HPSE2: variants seen among roughly 807,000 people sequenced by gnomAD.
HPSE2 encodes inactive heparanase-2.
In HPSE2, 38 loss-of-function variants were observed where a neutral mutation model predicts 60.5. The observed-to-expected ratio is 0.63, with a 90% confidence interval of 0.48 to 0.82. The LOEUF (loss-of-function observed/expected upper bound fraction) is 0.82. Ranked by LOEUF, HPSE2 falls within the 40% of genes least tolerant of loss-of-function variation. The pLI is 0.00. For missense variants in HPSE2, 713 were observed against 740.4 expected (o/e 0.96, Z 0.43); for synonymous variants, 295 against 293.2 (o/e 1.01, Z -0.06).
chr10:99,109,607 G>A (rs1253217585), intron 3 of HPSE2, among the ~76,000 whole-genome samples: 1 of 152,074 alleles, frequency 6.6e-6, no homozygotes, highest in Non-Finnish European at 1.5e-5. Flanking sequence ...CAAGAGAAGT[G>A]TTCTCAAGAA....
intron 3 of HPSE2, among the ~76,000 whole-genome samples, chr10:99,112,415 GTGTTTTGTTT>G (rs72389662): frequency 0.031 from 4,276 of 135,970 alleles, 93 homozygotes; most frequent in African/African-American, 0.069. Context: ...TTTTTTTGTT[GTGTTTTGTTT>G]TGTTTTGTTT....
At chr10:98,939,527 G>C (rs1451438708) in intron 3 of HPSE2, among the ~76,000 whole-genome samples, 1 of 143,672 alleles carries the variant, frequency 7.0e-6, no homozygotes, top group Non-Finnish European at 1.5e-5. Flanking sequence ...AACAAGAAGA[G>C]CTAACTATCC....
At chr10:99,132,672 C>T (rs935763768) in intron 3 of HPSE2, among the ~76,000 whole-genome samples, 1 of 152,100 alleles carries the variant, frequency 6.6e-6, no homozygotes, top group Non-Finnish European at 1.5e-5. Flanking sequence ...CCAAGGGAAG[C>T]TGTGAGGGAC....
chr10:99,208,002 C>T (rs1564894889), intron 2 of HPSE2, among the ~76,000 whole-genome samples: 2 of 149,000 alleles, frequency 1.3e-5, no homozygotes, highest in East Asian at 3.9e-4. Context: ...TAACAATATA[C>T]TATAATTTAT....
rs1945861895 is a variant in HPSE2 at position 98,614,917 on chromosome 10, A to G, written c.1307T>C (p.Phe436Ser). ...TCCCACACTTACTGGTAATGGGTTA[A>G]AATTCTGGTCCACGAGGTGATTGTA... is the stretch of plus-strand genomic sequence containing the variant. The part of the protein sequence containing the change: ...HGYNHLVDQN[F>S]NPLPDYWLSL... The change falls in exon 9 of 12, where the codon TTT becomes TCT. Residue 436 changes from phenylalanine (F) to serine (S), a missense_variant. Transcript: ENST00000370552. 5.6e-6 allele frequency: 9 copies of G among 1,611,832 alleles called. No homozygotes were observed. The highest frequency in any genetic ancestry group is 2.7e-5 in the African/African-American group (2 of 74,882).
the HPSE2 span, among the ~76,000 whole-genome samples, chr10:99,245,450 C>T: frequency 6.6e-6 from 1 of 152,216 alleles, no homozygotes; most frequent in Non-Finnish European, 1.5e-5. Context: ...GGAATCTATT[C>T]TACACCTAAT....
chr10:99,103,031 G>T (rs1259328467), intron 3 of HPSE2, among the ~76,000 whole-genome samples: 6 of 152,160 alleles, frequency 3.9e-5, no homozygotes. Context: ...ATATCATACT[G>T]AATGGGCAAA....
chr10:99,045,931 C>T (rs962828333), intron 3 of HPSE2, among the ~76,000 whole-genome samples: 1 of 152,244 alleles, frequency 6.6e-6, no homozygotes, highest in East Asian at 1.9e-4. Flanking sequence ...GGTAGCAATC[C>T]TACTGAAACT....
the HPSE2 span, among the ~76,000 whole-genome samples, chr10:99,315,396 A>G: frequency 2.0e-5 from 3 of 152,234 alleles, no homozygotes; most frequent in Admixed American, 2.0e-4. Flanking sequence ...TAGACAAAAC[A>G]AAGATGTTCT....
At chr10:98,636,791 G>T (rs1236783485) in intron 7 of HPSE2, among the ~76,000 whole-genome samples, 1 of 152,148 alleles carries the variant, frequency 6.6e-6, no homozygotes, top group Non-Finnish European at 1.5e-5. Flanking sequence ...TCCTTTCTGT[G>T]CTTATTGAAT....
At chr10:98,900,236 G>C (rs1200713754) in intron 3 of HPSE2, among the ~76,000 whole-genome samples, 1 of 152,024 alleles carries the variant, frequency 6.6e-6, no homozygotes, top group African/African-American at 2.4e-5. Flanking sequence ...CCATACAATG[G>C]AACACCACTT....
intron 4 of HPSE2, among the ~76,000 whole-genome samples, chr10:98,740,945 TAA>T (rs1949481012): frequency 6.6e-6 from 1 of 152,150 alleles, no homozygotes; most frequent in Non-Finnish European, 1.5e-5. Context: ...TTGGATATCT[TAA>T]GAGAGATGAT....
intron 3 of HPSE2, among the ~76,000 whole-genome samples, chr10:98,918,897 A>G (rs1954203133): frequency 6.6e-6 from 1 of 152,194 alleles, no homozygotes; most frequent in South Asian, 2.1e-4. Flanking sequence ...ATTGTGGAGC[A>G]ATACAAAGAA....
chr10:99,027,426 T>A (rs2135441289), intron 3 of HPSE2, among the ~76,000 whole-genome samples: 1 of 152,102 alleles, frequency 6.6e-6, no homozygotes, highest in East Asian at 1.9e-4. Flanking sequence ...AATCCAAAAC[T>A]TGAACAGACC....
At chr10:99,179,876 G>A (rs1847690125) in intron 2 of HPSE2, among the ~76,000 whole-genome samples, 1 of 152,040 alleles carries the variant, frequency 6.6e-6, no homozygotes, top group Admixed American at 6.5e-5. Flanking sequence ...GAAAGCCACA[G>A]TAACCAAAAC....
chr10:98,856,879 G>A (rs1411820588), intron 3 of HPSE2, among the ~76,000 whole-genome samples: 2 of 152,114 alleles, frequency 1.3e-5, no homozygotes, highest in African/African-American at 2.4e-5. Flanking sequence ...ATTCCCACAT[G>A]AGAATCCCTG....
chr10:99,008,533 T>C (rs1564732982), intron 3 of HPSE2, among the ~76,000 whole-genome samples: 1 of 152,236 alleles, frequency 6.6e-6, no homozygotes, highest in Non-Finnish European at 1.5e-5. Context: ...CTAATGTTTC[T>C]GCCCCACTGG....
chr10:99,248,992 A>T, the HPSE2 span, among the ~76,000 whole-genome samples: 1 of 152,188 alleles, frequency 6.6e-6, no homozygotes, highest in African/African-American at 2.4e-5. Flanking sequence ...ATTTCAGAGG[A>T]TGTATGGAAA....
chr10:99,026,560 G>A (rs528216424), intron 3 of HPSE2, among the ~76,000 whole-genome samples: 102 of 152,250 alleles, frequency 6.7e-4, no homozygotes, highest in African/African-American at 2.3e-3. Flanking sequence ...GCATTGGACA[G>A]ATATTCCAGA....
Sources: gnomAD v4.1 joint callset for allele counts (sites outside exome capture counted in the v4.1 genomes callset) on GRCh38, gnomAD v4.1.1 for gene constraint, MANE v1.5 for transcripts, NCBI Gene and HGNC (gene_info 2026-07-23, HGNC 2026-07-21) for gene names.